WDFY4: variants seen among roughly 807,000 people sequenced by gnomAD.
The protein encoded by WDFY4 is WDFY family member 4, also known as WD repeat- and FYVE domain-containing protein 4.
Under a neutral mutation model 351.9 loss-of-function variants are expected in WDFY4, and 169 were observed. The observed-to-expected ratio is 0.48, with a 90% CI of 0.42 to 0.55. The LOEUF (loss-of-function observed/expected upper bound fraction) is 0.55. WDFY4 is among the 20% of genes least tolerant of loss of function. The pLI, the probability that WDFY4 is intolerant of heterozygous loss-of-function variation, is 0.00. For missense variants in WDFY4, 3,803 were observed against 3,935.6 expected (o/e 0.97, Z 0.90); for synonymous variants, 1,622 against 1,574.6 (o/e 1.03, Z -0.71).
At chr10:48,909,992 T>G (rs1837854678) in intron 47 of WDFY4, 1 of 529,342 alleles carries the variant, frequency 1.9e-6, no homozygotes, top group African/African-American at 1.9e-5. Context: ...TCTTAAATTT[T>G]TTTCTATATA....
chr10:48,866,900 A>G (rs1215984171), intron 39 of WDFY4, among the ~76,000 whole-genome samples: 3 of 152,090 alleles, frequency 2.0e-5, no homozygotes, highest in African/African-American at 2.4e-5. Context: ...AATCACAACT[A>G]TCACTCACGC....
intron 12 of WDFY4, among the ~76,000 whole-genome samples, chr10:48,751,594 C>T (rs1481813367): frequency 6.6e-6 from 1 of 152,124 alleles, no homozygotes; most frequent in Non-Finnish European, 1.5e-5. Flanking sequence ...GAGAGAAGCC[C>T]TAGAGTTTTG....
intron 36 of WDFY4, among the ~76,000 whole-genome samples, chr10:48,827,726 T>TC (rs560418181): frequency 6.6e-6 from 1 of 150,788 alleles, no homozygotes; most frequent in Admixed American, 6.6e-5. Context: ...AAAAAAACAA[T>TC]CCCCCACATC....
At chr10:48,815,437 C>T (rs1400132473) in intron 31 of WDFY4, among the ~76,000 whole-genome samples, 2 of 152,040 alleles carry the variant, frequency 1.3e-5, no homozygotes, top group Non-Finnish European at 2.9e-5. Flanking sequence ...AGAGATCCCA[C>T]TTTTTGCCCT....
At chr10:48,919,479 C>T (rs1380820673) in intron 47 of WDFY4, among the ~76,000 whole-genome samples, 1 of 152,202 alleles carries the variant, frequency 6.6e-6, no homozygotes, top group Non-Finnish European at 1.5e-5. Flanking sequence ...TCTTGGTCCA[C>T]TCAGGCTACT....
At chr10:48,970,724 G>A (rs866977065) in intron 57 of WDFY4, among the ~76,000 whole-genome samples, 1 of 152,198 alleles carries the variant, frequency 6.6e-6, no homozygotes, top group Non-Finnish European at 1.5e-5. Flanking sequence ...CTTATTGACA[G>A]CCCTGTAAAA....
At position 48,721,367 on chromosome 10, in the gene WDFY4, G is replaced by A. The variant is rs369930156; in HGVS notation, c.456G>A (p.Ser152=). The A allele has an allele frequency of 5.0e-4, 769 of 1,551,464 alleles. 2 individuals are homozygous for A. Among genetic ancestry groups the A allele is most frequent in the Non-Finnish European group, 6.3e-4 (725 of 1,146,922 alleles). The change falls in exon 4 of 62, where the codon TCG becomes TCA. Residue 152 remains serine (S), a splice_region_variant and synonymous_variant. Transcript: ENST00000325239. The part of the protein sequence containing the change: ...KSVYVLTGTD[S]ETLGRVAESG... ...TGTACGTGCTCACGGGGACAGACTC[G>A]GTAAGTTTCAGACCATCAGCCTCTG...
At position 48,858,265 on chromosome 10, in the gene WDFY4, A is replaced by T. The variant is rs556203882; in HGVS notation, c.6664-9000A>T. Among the ~76,000 whole-genome samples, 186 of 152,262 alleles carry T rather than the reference A, an allele frequency of 1.2e-3. 1 individual carries two copies. The highest frequency in any genetic ancestry group is 2.2e-3 in the Non-Finnish European group (149 of 68,012). On this transcript the variant is annotated intron_variant, in intron 39 of 61. Coordinates refer to ENST00000325239, the MANE Select transcript of WDFY4 (RefSeq NM_001394531.1). Reference sequence around the variant, plus strand: ...CAGTTCATTAATTTTTCTTTTTACAAATGGCAGTCTTAATATAAAATCTAA... The same window carrying T: ...CAGTTCATTAATTTTTCTTTTTACATATGGCAGTCTTAATATAAAATCTAA...
intron 47 of WDFY4, among the ~76,000 whole-genome samples, chr10:48,911,506 A>T (rs1446719516): frequency 6.6e-6 from 1 of 152,234 alleles, no homozygotes; most frequent in African/African-American, 2.4e-5. Flanking sequence ...CATTAGTGAA[A>T]ACTGAAAATA....
At chr10:48,859,806 C>G (rs2069271720) in intron 39 of WDFY4, among the ~76,000 whole-genome samples, 1 of 152,072 alleles carries the variant, frequency 6.6e-6, no homozygotes, top group African/African-American at 2.4e-5. Context: ...TTTAATAAAA[C>G]CTTCAAGTAA....
intron 23 of WDFY4, among the ~76,000 whole-genome samples, chr10:48,795,000 CA>C (rs1358329793): frequency 6.6e-6 from 1 of 152,088 alleles, no homozygotes; most frequent in African/African-American, 2.4e-5. Context: ...GTTATTTTTA[CA>C]ATGAGAAATA....
intron 48 of WDFY4, among the ~76,000 whole-genome samples, chr10:48,942,975 C>T (rs1840857184): frequency 6.6e-6 from 1 of 152,228 alleles, no homozygotes; most frequent in Admixed American, 6.5e-5. Flanking sequence ...TTCTAACCAT[C>T]AATAGGTCAG....
chr10:48,904,984 A>G (rs11101558), intron 47 of WDFY4, among the ~76,000 whole-genome samples: 49,595 of 151,928 alleles, frequency 0.33, 8,698 homozygotes, highest in East Asian at 0.72. Context: ...AAGCCGCAGC[A>G]CTCATGGGCT....
At chr10:48,871,157 G>A (rs894243190) in intron 40 of WDFY4, among the ~76,000 whole-genome samples, 5 of 151,996 alleles carry the variant, frequency 3.3e-5, no homozygotes, top group Admixed American at 6.6e-5. Flanking sequence ...GGATGGTCTC[G>A]ATCTCCTGAC....
chr10:48,712,062 T>C (rs1232980126), intron 2 of WDFY4, among the ~76,000 whole-genome samples: 3 of 152,204 alleles, frequency 2.0e-5, no homozygotes, highest in Non-Finnish European at 2.9e-5. Flanking sequence ...ATACTGGTCT[T>C]TGTTTTCCAC....
At chr10:48,797,401 A>G (rs1015673448) in intron 24 of WDFY4, among the ~76,000 whole-genome samples, 8 of 152,174 alleles carry the variant, frequency 5.3e-5, no homozygotes, top group African/African-American at 1.9e-4. Context: ...ATTATAGAAT[A>G]TTTTTTAATT....
At chr10:48,897,325 C>T (rs377725433) in intron 44 of WDFY4, 129 bp from the exon 45 acceptor site, 3 of 1,321,510 alleles carry the variant, frequency 2.3e-6, no homozygotes, top group South Asian at 2.9e-5. Flanking sequence ...TGGCAGTGAC[C>T]ACCGCACTTC....
chr10:48,808,716 A>C (rs979088115), intron 28 of WDFY4, among the ~76,000 whole-genome samples: 1 of 152,230 alleles, frequency 6.6e-6, no homozygotes, highest in African/African-American at 2.4e-5. Context: ...CTTAGAATCA[A>C]AACATGGTAG....
chr10:48,827,015 C>T (rs2068031592), intron 36 of WDFY4, 106 bp downstream of exon 36: 1 of 936,712 alleles, frequency 1.1e-6, no homozygotes, highest in South Asian at 1.7e-5. Context: ...ATGATATCAT[C>T]CTTTTGTTTA....
Sources: allele counts gnomAD v4.1 joint callset (sites outside exome capture counted in the v4.1 genomes callset), GRCh38; gene constraint gnomAD v4.1.1; transcripts MANE v1.5; gene names NCBI Gene and HGNC (gene_info 2026-07-23, HGNC 2026-07-21).